The following CRISPLD2 variants were observed in gnomAD, a reference collection of about 807,000 sequenced individuals.
The protein encoded by CRISPLD2 is cysteine-rich secretory protein LCCL domain-containing 2.
Under a neutral mutation model 71.1 loss-of-function variants are expected in CRISPLD2, and 47 were observed. The ratio of observed to expected loss-of-function variants is 0.66; its 90% CI spans 0.52 to 0.84. The LOEUF (loss-of-function observed/expected upper bound fraction) is 0.84. Among genes scored for constraint, CRISPLD2 ranks in the 40% least tolerant of loss-of-function variants. The pLI is 0.00. For missense variants in CRISPLD2, 830 were observed against 651.1 expected (o/e 1.27, Z -2.99); for synonymous variants, 317 against 250.1 (o/e 1.27, Z -2.52).
rs2071807095 is a variant in CRISPLD2, at chr16:84,906,820, C to A, written c.*178C>A. 2 of 756,164 alleles carry A rather than the reference C, an allele frequency of 2.6e-6. No individual in the cohort carries two copies. Among genetic ancestry groups the A allele is most frequent in the South Asian group, 3.0e-5 (2 of 67,232 alleles). 46.8% of individuals were successfully genotyped at this position (756,164 alleles called of 1,614,324 possible). On this transcript the variant is annotated 3_prime_UTR_variant, in exon 15 of 15. Transcript: ENST00000262424. ...ACATCTCATCCCCTCACTGAAGCAA[C>A]AGCATCCCAAGGTGCTCAGCCGGAC...
intron 1 of CRISPLD2, among the ~76,000 whole-genome samples, chr16:84,833,226 G>T (rs1436861286): frequency 6.6e-6 from 1 of 152,202 alleles, no homozygotes; most frequent in East Asian, 1.9e-4. Flanking sequence ...TGATTCGCCA[G>T]CTGTGGGTCT....
At chr16:84,855,237 C>T (rs1413049865) in intron 6 of CRISPLD2, among the ~76,000 whole-genome samples, 1 of 152,010 alleles carries the variant, frequency 6.6e-6, no homozygotes, top group Non-Finnish European at 1.5e-5. Flanking sequence ...CCATATGAGG[C>T]CATGTATTAG....
At chr16:84,866,081 A>C (rs1246286567) in intron 6 of CRISPLD2, among the ~76,000 whole-genome samples, 3 of 152,078 alleles carry the variant, frequency 2.0e-5, no homozygotes, top group African/African-American at 7.2e-5. Context: ...GGCTGGTGTG[A>C]GGTGCAGTTG....
intron 2 of CRISPLD2, among the ~76,000 whole-genome samples, chr16:84,840,372 G>A (rs1433321261): frequency 6.6e-6 from 1 of 152,224 alleles, no homozygotes; most frequent in African/African-American, 2.4e-5. Context: ...CTGAGGCTCA[G>A]AGAGGTTCAT....
At position 84,872,007 on chromosome 16, in the gene CRISPLD2, T is replaced by C. The variant is rs573178262; in HGVS notation, c.915-435T>C. On this transcript the variant is annotated intron_variant, in intron 8 of 14. Coordinates refer to ENST00000262424, the MANE Select transcript of CRISPLD2 (RefSeq NM_031476.4). ...AATATATTTCTTAAAAAGTGTGTGGTATTACAGTATAATAATAAAAAACTG... is the reference window on the plus strand; with the variant it reads ...AATATATTTCTTAAAAAGTGTGTGGCATTACAGTATAATAATAAAAAACTG... Among the ~76,000 whole-genome samples, 17 of 152,134 alleles carry C rather than the reference T, an allele frequency of 1.1e-4. No individual in the cohort carries two copies. In the East Asian group the frequency reaches 3.1e-3, roughly 28 times the overall value.
chr16:84,868,599 G>A (rs764787520), intron 7 of CRISPLD2, among the ~76,000 whole-genome samples: 2 of 152,340 alleles, frequency 1.3e-5, no homozygotes, highest in Non-Finnish European at 2.9e-5. Flanking sequence ...GTCACTGTCC[G>A]CATTGTCCAT....
chr16:84,861,521 G>T (rs895718904), intron 6 of CRISPLD2, among the ~76,000 whole-genome samples: 14 of 152,012 alleles, frequency 9.2e-5, no homozygotes, highest in African/African-American at 3.1e-4. Context: ...AGGCAGTCTC[G>T]CCTTCTCACA....
intron 8 of CRISPLD2, among the ~76,000 whole-genome samples, chr16:84,871,917 T>C (rs1391197647): frequency 1.3e-5 from 2 of 149,990 alleles, no homozygotes; most frequent in African/African-American, 4.9e-5. Context: ...GTTGACCTTC[T>C]ATTTCTGTGG....
intron 6 of CRISPLD2, among the ~76,000 whole-genome samples, chr16:84,859,990 G>A (rs1317334278): frequency 6.6e-6 from 1 of 152,182 alleles, no homozygotes; most frequent in South Asian, 2.1e-4. Context: ...ATTTCACAAA[G>A]CATTAGTCAA....
chr16:84,887,519 G>A (rs1274692882), intron 13 of CRISPLD2, among the ~76,000 whole-genome samples: 2 of 152,224 alleles, frequency 1.3e-5, no homozygotes, highest in Non-Finnish European at 2.9e-5. Flanking sequence ...GAGTCCGTGA[G>A]CCTGGGTGAG....
intron 3 of CRISPLD2, among the ~76,000 whole-genome samples, chr16:84,846,959 T>G (rs1434172377): frequency 6.6e-6 from 1 of 152,172 alleles, no homozygotes; most frequent in Admixed American, 6.5e-5. Flanking sequence ...CTGGTTTCAT[T>G]GGAGAAAGTG....
rs1054138693 is a variant in CRISPLD2, at chr16:84,830,846, C to T, written c.-74-7576C>T. ...CTATGGGATCTGCGTGATGGAAAGG[C>T]TGCGTGACCGTGTGCTTCTGGGGAT... is the stretch of plus-strand genomic sequence containing the variant. On this transcript the variant is annotated intron_variant, in intron 1 of 14. Transcript: ENST00000262424. 2.0e-5 allele frequency among the ~76,000 whole-genome samples: 3 copies of T among 152,180 alleles called. 1 individual carries two copies. Among genetic ancestry groups the T allele is most frequent in the African/African-American group, 7.2e-5 (3 of 41,438 alleles).
chr16:84,903,277 G>A (rs906025094), intron 14 of CRISPLD2, among the ~76,000 whole-genome samples: 4 of 151,670 alleles, frequency 2.6e-5, no homozygotes, highest in East Asian at 3.9e-4. Context: ...CCCCAACATC[G>A]GCACTGTCAC....
chr16:84,897,270 C>T (rs2071714563), intron 14 of CRISPLD2, among the ~76,000 whole-genome samples: 1 of 150,114 alleles, frequency 6.7e-6, no homozygotes, highest in South Asian at 2.1e-4. Flanking sequence ...AGGGTGTAAT[C>T]CCATCTCTAC....
intron 1 of CRISPLD2, among the ~76,000 whole-genome samples, chr16:84,824,737 G>C (rs1398536990): frequency 1.3e-5 from 2 of 152,232 alleles, no homozygotes; most frequent in Non-Finnish European, 2.9e-5. Flanking sequence ...TTCTCTGCCA[G>C]TGGGAGTGAT....
rs2968143 is a variant in CRISPLD2, at chr16:84,873,844, G to T, written c.1113-76G>T. 2.3e-6 allele frequency: 3 copies of T among 1,331,190 alleles called. No homozygotes were observed. The African/African-American group carries it at 4.5e-5, about 20-fold the overall frequency. 82.5% of individuals were successfully genotyped at this position (1,331,190 alleles called of 1,614,324 possible). On this transcript the variant is annotated intron_variant, in intron 10 of 14. Transcript: ENST00000262424. ...GACTGCAAATAAGATAAGTATAGGA[G>T]CAAGCGTTCACTTTTAGAAGCAATT...
chr16:84,907,129 A>G lies in CRISPLD2; in HGVS notation c.*487A>G. On this transcript the variant is annotated 3_prime_UTR_variant, in exon 15 of 15. Transcript: ENST00000262424. ...GTAGTTATTTAAAAATAAAAAACACAGTCCGTCCCTACCAATAGAGGAAAA... is the reference window on the plus strand; with the variant it reads ...GTAGTTATTTAAAAATAAAAAACACGGTCCGTCCCTACCAATAGAGGAAAA... The G allele has an allele frequency of 5.6e-6, 1 of 178,468 alleles. No individual in the cohort carries two copies. Among genetic ancestry groups the G allele is most frequent in the South Asian group, 1.1e-4 (1 of 9,126 alleles). 11.1% of individuals were successfully genotyped at this position (178,468 alleles called of 1,614,324 possible). A position where few individuals can be genotyped will look rare whatever the true frequency, so the allele number is the denominator to read the frequency against.
At chr16:84,893,139 C>A (rs944496310) in intron 14 of CRISPLD2, among the ~76,000 whole-genome samples, 4 of 152,098 alleles carry the variant, frequency 2.6e-5, no homozygotes, top group African/African-American at 9.7e-5. Context: ...TATGTGGCGC[C>A]CGCTGCACTG....
chr16:84,855,345 T>C (rs1247946618), intron 6 of CRISPLD2, among the ~76,000 whole-genome samples: 3 of 152,104 alleles, frequency 2.0e-5, no homozygotes, highest in Non-Finnish European at 4.4e-5. Flanking sequence ...GATCCCACAA[T>C]AGGCCATCTG....
Sources: gnomAD v4.1 joint callset for allele counts (sites outside exome capture counted in the v4.1 genomes callset) on GRCh38, gnomAD v4.1.1 for gene constraint, MANE v1.5 for transcripts, NCBI Gene and HGNC (gene_info 2026-07-23, HGNC 2026-07-21) for gene names.